Variants in KDM4C observed in about 807,000 individuals in gnomAD.
KDM4C encodes the protein lysine-specific demethylase 4C.
A neutral mutation model predicts 129.3 loss-of-function variants in KDM4C; 81 were observed. The observed-to-expected ratio is 0.63, with a 90% CI of 0.52 to 0.75. The LOEUF (loss-of-function observed/expected upper bound fraction) is 0.75, where lower values mean the gene tolerates loss of function less well. KDM4C is among the 30% of genes least tolerant of loss of function. KDM4C has a pLI of 0.00. For missense variants in KDM4C, 1,457 were observed against 1,304.0 expected (o/e 1.12, Z -1.81); for synonymous variants, 573 against 456.1 (o/e 1.26, Z -3.26).
intron 18 of KDM4C, among the ~76,000 whole-genome samples, chr9:7,124,324 A>C (rs952923062): frequency 6.6e-6 from 1 of 152,220 alleles, no homozygotes; most frequent in Non-Finnish European, 1.5e-5. Flanking sequence ...ACTGTTTTTC[A>C]GTTTGACAGA....
intron 17 of KDM4C, among the ~76,000 whole-genome samples, chr9:7,081,886 A>G (rs7863122): frequency 0.39 from 58,559 of 151,940 alleles, 12,065 homozygotes; most frequent in Non-Finnish European, 0.46. Flanking sequence ...TGAACATTAT[A>G]TATCTCTTGT....
chr9:7,056,873 C>G (rs1830940112), intron 17 of KDM4C, among the ~76,000 whole-genome samples: 1 of 152,146 alleles, frequency 6.6e-6, no homozygotes, highest in African/African-American at 2.4e-5. Context: ...GTTGGAGTTT[C>G]AGAGACAGGG....
intron 8 of KDM4C, among the ~76,000 whole-genome samples, chr9:6,904,678 T>C (rs183783630): frequency 6.6e-5 from 10 of 152,364 alleles, no homozygotes; most frequent in Non-Finnish European, 4.4e-5. Flanking sequence ...CTTTGCAGTT[T>C]CTGTTTTACT....
intron 21 of KDM4C, 146 bp downstream of exon 21, chr9:7,170,036 A>G (rs908628647): frequency 2.6e-6 from 4 of 1,526,984 alleles, no homozygotes; most frequent in Non-Finnish European, 3.5e-6. Flanking sequence ...AGTGGAACCT[A>G]TTGAATGCAA....
In KDM4C at chr9:6,868,508, G is replaced by A. The variant is rs192264613; in HGVS notation, c.630-11504G>A. On this transcript the variant is annotated intron_variant, in intron 5 of 21. Transcript: ENST00000381309. The stretch of plus-strand genomic sequence containing the variant: ...AATACCAAAACCTGTGGCTGCTCAC[G>A]TCCCTGATATAAAGTGCGTGGTAGT... Among the ~76,000 whole-genome samples the A allele has an allele frequency of 3.8e-4, 58 of 152,190 alleles. No individual in the cohort carries two copies. The East Asian group carries it at 0.01, about 26-fold the overall frequency.
intron 19 of KDM4C, among the ~76,000 whole-genome samples, chr9:7,139,687 G>T (rs540289295): frequency 6.6e-6 from 1 of 152,244 alleles, no homozygotes; most frequent in East Asian, 1.9e-4. Context: ...TATCGCATAT[G>T]AATTTAATAT....
chr9:6,990,211 C>G (rs549751966), intron 11 of KDM4C, among the ~76,000 whole-genome samples: 2 of 152,270 alleles, frequency 1.3e-5, no homozygotes, highest in African/African-American at 4.8e-5. Context: ...ATTAATTGAC[C>G]TCTGGCTAAA....
At chr9:6,777,916 C>CTTT (rs35889810) in intron 1 of KDM4C, among the ~76,000 whole-genome samples, 1 of 137,672 alleles carries the variant, frequency 7.3e-6, no homozygotes, top group African/African-American at 2.7e-5. Flanking sequence ...GTTTTCAGGC[C>CTTT]TTTTTTTTTT....
chr9:6,953,163 C>T (rs1330210609), intron 8 of KDM4C, among the ~76,000 whole-genome samples: 1 of 152,096 alleles, frequency 6.6e-6, no homozygotes, highest in Admixed American at 6.5e-5. Flanking sequence ...TTCATTTTAG[C>T]TTATTTTATG....
intron 19 of KDM4C, among the ~76,000 whole-genome samples, chr9:7,142,468 A>G (rs1214485208): frequency 6.6e-6 from 1 of 152,110 alleles, no homozygotes; most frequent in African/African-American, 2.4e-5. Context: ...CTCCCTCATC[A>G]TGAACCAGTG....
At chr9:7,067,840 G>C (rs1461241038) in intron 17 of KDM4C, among the ~76,000 whole-genome samples, 1 of 152,010 alleles carries the variant, frequency 6.6e-6, no homozygotes, top group Non-Finnish European at 1.5e-5. Context: ...CTGTTGCCCA[G>C]GATGGAGTGC....
At chr9:7,089,239 T>C (rs1312392206) in intron 17 of KDM4C, among the ~76,000 whole-genome samples, 1 of 143,326 alleles carries the variant, frequency 7.0e-6, no homozygotes, top group African/African-American at 2.7e-5. Flanking sequence ...CTCACAGGTG[T>C]ATTTTATTTT....
intron 6 of KDM4C, among the ~76,000 whole-genome samples, chr9:6,884,833 T>G (rs1402983230): frequency 6.6e-6 from 1 of 152,238 alleles, no homozygotes. Context: ...CATAAAAGAT[T>G]GGGATTTAAA....
intron 8 of KDM4C, among the ~76,000 whole-genome samples, chr9:6,919,816 C>T (rs1421874430): frequency 6.6e-6 from 1 of 152,048 alleles, no homozygotes; most frequent in Non-Finnish European, 1.5e-5. Flanking sequence ...CTCAGGTGAT[C>T]CACCTGCCTT....
intron 10 of KDM4C, among the ~76,000 whole-genome samples, chr9:6,984,682 G>A (rs1238309294): frequency 1.3e-5 from 2 of 150,352 alleles, no homozygotes; most frequent in Non-Finnish European, 3.0e-5. Flanking sequence ...TTTTTTTCGT[G>A]CAACTCAATT....
chr9:6,762,789 G>A (rs760591822), intron 1 of KDM4C, among the ~76,000 whole-genome samples: 2 of 151,556 alleles, frequency 1.3e-5, no homozygotes, highest in Non-Finnish European at 1.5e-5. Context: ...CTCCCAAGTA[G>A]CTGAAATTAC....
chr9:6,968,959 C>G (rs972830381), intron 8 of KDM4C, among the ~76,000 whole-genome samples: 4 of 152,008 alleles, frequency 2.6e-5, no homozygotes. Context: ...TGTTTTGAGA[C>G]AGAGTCTTGC....
intron 8 of KDM4C, among the ~76,000 whole-genome samples, chr9:6,915,924 G>T (rs1014887891): frequency 6.6e-6 from 1 of 152,212 alleles, no homozygotes; most frequent in African/African-American, 2.4e-5. Flanking sequence ...TTAATGACAG[G>T]CTGGGCTTTT....
intron 4 of KDM4C, chr9:6,815,250 A>T (rs1320540738): frequency 6.6e-6 from 1 of 152,018 alleles, no homozygotes; most frequent in African/African-American, 2.4e-5. Context: ...ATGGTGGCGT[A>T]ATTCATTGGT....
Sources: allele counts gnomAD v4.1 joint callset (sites outside exome capture counted in the v4.1 genomes callset), GRCh38; gene constraint gnomAD v4.1.1; transcripts MANE v1.5; gene names NCBI Gene and HGNC (gene_info 2026-07-23, HGNC 2026-07-21).